The following CNIH3 variants were observed in gnomAD, a reference collection of about 807,000 sequenced individuals.
The protein encoded by CNIH3 is cornichon family AMPA receptor auxiliary protein 3, also known as protein cornichon homolog 3.
A neutral mutation model predicts 24.1 loss-of-function variants in CNIH3; 14 were observed. The ratio of observed to expected loss-of-function variants is 0.58; its 90% CI spans 0.38 to 0.91. The LOEUF is 0.91. CNIH3 is among the 40% of genes least tolerant of loss of function. The pLI is 0.00. For missense variants in CNIH3, 178 were observed against 196.8 expected (o/e 0.90, Z 0.57); for synonymous variants, 68 against 73.8 (o/e 0.92, Z 0.40).
chr1:224,573,267 T>G (rs545810285), intron 4 of CNIH3, among the ~76,000 whole-genome samples: 1 of 152,314 alleles, frequency 6.6e-6, no homozygotes, highest in South Asian at 2.1e-4. Flanking sequence ...CTATTTTCAT[T>G]ATTTTCATTC....
intron 1 of CNIH3, among the ~76,000 whole-genome samples, chr1:224,469,773 T>C (rs1676293622): frequency 6.6e-6 from 1 of 152,186 alleles, no homozygotes; most frequent in Non-Finnish European, 1.5e-5. Context: ...ATCTTACATA[T>C]TTTACCTGTG....
At chr1:224,611,471 G>A (rs911456020), upstream of CNIH3, 1 of 152,204 alleles carries the variant, frequency 6.6e-6, no homozygotes, top group African/African-American at 2.4e-5. Flanking sequence ...AGGCCTGGTA[G>A]AGTGGCTTGA....
At chr1:224,474,226 T>C (rs1676476526) in intron 1 of CNIH3, among the ~76,000 whole-genome samples, 1 of 151,980 alleles carries the variant, frequency 6.6e-6, no homozygotes, top group Non-Finnish European at 1.5e-5. Flanking sequence ...TAGCTGGGCA[T>C]GGTGGTGCAT....
chr1:224,669,957 C>T (rs1685783110), intron 1 of CNIH3, among the ~76,000 whole-genome samples: 2 of 152,142 alleles, frequency 1.3e-5, no homozygotes, highest in Admixed American at 1.3e-4. Context: ...TTCCCCCCAC[C>T]CCCACACCCA....
upstream of CNIH3, among the ~76,000 whole-genome samples, chr1:224,512,993 G>T (rs189866965): frequency 3.1e-3 from 468 of 152,300 alleles, 3 homozygotes; most frequent in African/African-American, 0.011. Flanking sequence ...TTAGCTTACA[G>T]CATTGCTGTT....
chr1:224,667,352 A>G (rs1685643692), intron 1 of CNIH3, among the ~76,000 whole-genome samples: 1 of 152,248 alleles, frequency 6.6e-6, no homozygotes, highest in African/African-American at 2.4e-5. Flanking sequence ...GAAGGACACC[A>G]TAGCCACAGT....
intron 3 of CNIH3, among the ~76,000 whole-genome samples, chr1:224,687,821 C>G (rs1446901027): frequency 6.6e-6 from 1 of 152,204 alleles, no homozygotes; most frequent in African/African-American, 2.4e-5. Context: ...CTCAAATCCA[C>G]CTCCTCGAGA....
intron 2 of CNIH3, among the ~76,000 whole-genome samples, chr1:224,532,638 G>T (rs924660612): frequency 4.6e-5 from 7 of 152,184 alleles, no homozygotes; most frequent in African/African-American, 7.2e-5. Flanking sequence ...AAGTGGAATA[G>T]AATCTACCTA....
intron 1 of CNIH3, among the ~76,000 whole-genome samples, chr1:224,469,600 C>T (rs1375733350): frequency 6.6e-6 from 1 of 152,198 alleles, no homozygotes; most frequent in African/African-American, 2.4e-5. Flanking sequence ...TCTCAAACTT[C>T]AGGCTCAAGC....
chr1:224,715,568 A>G (rs758565450), intron 3 of CNIH3, among the ~76,000 whole-genome samples: 5 of 152,186 alleles, frequency 3.3e-5, no homozygotes, highest in Non-Finnish European at 7.3e-5. Flanking sequence ...TATAAAGAAA[A>G]AAGGTTTATT....
At chr1:224,598,349 A>T (rs1225118709) in intron 3 of CNIH3, among the ~76,000 whole-genome samples, 1 of 152,228 alleles carries the variant, frequency 6.6e-6, no homozygotes, top group Non-Finnish European at 1.5e-5. Flanking sequence ...CTTCTTATGG[A>T]TGAGCAAAGA....
At chr1:224,534,081 C>T (rs1467452697) in intron 2 of CNIH3, among the ~76,000 whole-genome samples, 1 of 152,320 alleles carries the variant, frequency 6.6e-6, no homozygotes, top group East Asian at 1.9e-4. Flanking sequence ...GGGATGATTG[C>T]TTGAGCCTCG....
intron 1 of CNIH3, among the ~76,000 whole-genome samples, chr1:224,649,347 G>T (rs1275849398): frequency 6.6e-6 from 1 of 152,108 alleles, no homozygotes; most frequent in East Asian, 1.9e-4. Flanking sequence ...TCTGCCCTAG[G>T]GCTTCCAGAA....
intron 1 of CNIH3, among the ~76,000 whole-genome samples, chr1:224,673,804 A>C (rs534816555): frequency 7.0e-6 from 1 of 143,672 alleles, no homozygotes; most frequent in East Asian, 2.1e-4. Flanking sequence ...GTATCTAGTC[A>C]GTATTTTTTT....
intron 1 of CNIH3, among the ~76,000 whole-genome samples, chr1:224,622,606 A>G (rs138805959): frequency 1.4e-3 from 213 of 152,352 alleles, no homozygotes; most frequent in African/African-American, 4.3e-3. Context: ...ACCAGCCCCA[A>G]TCCCAACTGT....
At chr1:224,558,196 T>C (rs1459741912) in intron 3 of CNIH3, among the ~76,000 whole-genome samples, 1 of 152,178 alleles carries the variant, frequency 6.6e-6, no homozygotes, top group African/African-American at 2.4e-5. Context: ...TGCCTGATGA[T>C]AACTGGTGCT....
chr1:224,467,423 T>TTTTG (rs199499330), intron 1 of CNIH3, among the ~76,000 whole-genome samples: 7 of 152,050 alleles, frequency 4.6e-5, no homozygotes, highest in Non-Finnish European at 7.4e-5. Flanking sequence ...GGATCATAGT[T>TTTTG]TTTGTTTGTT....
chr1:224,562,880 G>A (rs1389590742), intron 3 of CNIH3, among the ~76,000 whole-genome samples: 1 of 152,208 alleles, frequency 6.6e-6, no homozygotes, highest in African/African-American at 2.4e-5. Flanking sequence ...CCAGGGGTTG[G>A]AGAGTCCTGA....
rs1041637977 is a variant in CNIH3, at chr1:224,668,567, A to G, written c.82-12391A>G. 6.3e-4 allele frequency among the ~76,000 whole-genome samples: 96 copies of G among 152,134 alleles called. 2 individuals carry two copies. Among genetic ancestry groups the G allele is most frequent in the African/African-American group, 2.2e-3 (91 of 41,418 alleles). On this transcript the variant is annotated intron_variant, in intron 1 of 5. Transcript: ENST00000272133. ...GGGAGCCTTTCTGATGCACATCCACACTTGGGTGCATGCTCCCCCAAAGCT... is the reference window on the plus strand; with the variant it reads ...GGGAGCCTTTCTGATGCACATCCACGCTTGGGTGCATGCTCCCCCAAAGCT...
Sources: gnomAD v4.1 joint callset for allele counts (sites outside exome capture counted in the v4.1 genomes callset) on GRCh38, gnomAD v4.1.1 for gene constraint, MANE v1.5 for transcripts, NCBI Gene and HGNC (gene_info 2026-07-23, HGNC 2026-07-21) for gene names.